The following OCIAD2 variants were observed in gnomAD, a reference collection of about 807,000 sequenced individuals.
OCIAD2 encodes OCIA domain-containing protein 2.
OCIAD2 carries 29 observed loss-of-function variants against 22.9 expected under a neutral mutation model. That is an observed-to-expected ratio of 1.27 (90% CI 0.94 to 1.73). OCIAD2 has a LOEUF of 1.73. OCIAD2 is among the 40% of genes most tolerant of loss of function. The pLI is 0.00. For synonymous variants in OCIAD2, 67 were observed against 60.2 expected (o/e 1.11, Z -0.52); for missense variants, 189 against 180.3 (o/e 1.05, Z -0.28).
rs1013298276 is a variant in OCIAD2, at chr4:48,885,511, C to G, written c.438G>C (p.Lys146Asn). Residue 146 changes from lysine (K) to asparagine (N), a missense_variant, in exon 7 of 7, where the codon AAG (lysine) becomes AAC (asparagine). Lys to Asn is a moderately conservative substitution (Grantham distance 94, BLOSUM62 0). Transcript: ENST00000508632. The stretch of plus-strand genomic sequence containing the variant: ...AGGAAGCTGAAGGCTGAGAGTCTCC[C>G]TTCTCACTTAATCCATGCTTTATTT... ...ECKIKHGLSE[K>N]GDSQPSAS 1 of 1,610,478 alleles carries G rather than the reference C, an allele frequency of 6.2e-7. No individual in the cohort carries two copies. Among genetic ancestry groups the G allele is most frequent in the Non-Finnish European group, 8.5e-7 (1 of 1,176,766 alleles).
chr4:48,893,011 G>A (rs1432005065), intron 5 of OCIAD2, 122 bp from the exon 6 acceptor site: 1 of 603,378 alleles, frequency 1.7e-6, no homozygotes, highest in Non-Finnish European at 3.0e-6. Flanking sequence ...AATGAATGAA[G>A]ACTCTGAGAA....
intron 3 of OCIAD2, among the ~76,000 whole-genome samples, chr4:48,899,225 A>G (rs1391964434): frequency 2.0e-5 from 3 of 152,218 alleles, no homozygotes; most frequent in Non-Finnish European, 2.9e-5. Flanking sequence ...TTCAAATGCT[A>G]TATCACACAT....
intron 6 of OCIAD2, among the ~76,000 whole-genome samples, chr4:48,890,956 A>C (rs1560457522): frequency 6.6e-6 from 1 of 152,200 alleles, no homozygotes; most frequent in African/African-American, 2.4e-5. Flanking sequence ...AGCATGGCAT[A>C]AATTCCTTCA....
chr4:48,894,075 CATT>C (rs752181452), intron 4 of OCIAD2, 22 bp from the exon 5 acceptor site: 34 of 1,243,954 alleles, frequency 2.7e-5, no homozygotes, highest in Non-Finnish European at 3.6e-5. Flanking sequence ...TAAAGAAAAA[CATT>C]ATTATTTCAT....
chr4:48,892,703 A>G (rs1414121248), intron 6 of OCIAD2, 69 bp downstream of exon 6: 2 of 778,302 alleles, frequency 2.6e-6, no homozygotes, highest in East Asian at 2.7e-5. Flanking sequence ...AATATTATAA[A>G]TAGTGAGTAA....
intron 6 of OCIAD2, among the ~76,000 whole-genome samples, chr4:48,889,212 A>T (rs1361183346): frequency 1.3e-5 from 2 of 152,132 alleles, no homozygotes; most frequent in Non-Finnish European, 2.9e-5. Flanking sequence ...TATTGCATCT[A>T]TTTGATTATT....
chr4:48,886,974 C>T (rs911668955), intron 6 of OCIAD2, among the ~76,000 whole-genome samples: 1 of 152,156 alleles, frequency 6.6e-6, no homozygotes, highest in African/African-American at 2.4e-5. Context: ...AAAAGTGTTC[C>T]TATTTCTCCA....
chr4:48,890,931 A>G (rs1219086086), intron 6 of OCIAD2, among the ~76,000 whole-genome samples: 1 of 152,226 alleles, frequency 6.6e-6, no homozygotes, highest in South Asian at 2.1e-4. Context: ...CTTTGAGAAT[A>G]AAGTGAAAAT....
intron 6 of OCIAD2, among the ~76,000 whole-genome samples, chr4:48,889,451 T>C (rs1262172303): frequency 2.0e-5 from 3 of 152,198 alleles, no homozygotes; most frequent in Admixed American, 6.5e-5. Flanking sequence ...GCAAAGGTTA[T>C]GAACAGACAC....
At chr4:48,889,125 T>C (rs533688514) in intron 6 of OCIAD2, among the ~76,000 whole-genome samples, 60 of 152,356 alleles carry the variant, frequency 3.9e-4, no homozygotes, top group Admixed American at 3.9e-3. Context: ...TTTATTTGCA[T>C]AGAGGTGTTT....
intron 2 of OCIAD2, among the ~76,000 whole-genome samples, chr4:48,900,204 C>T (rs1398942755): frequency 2.0e-5 from 3 of 152,124 alleles, no homozygotes; most frequent in Non-Finnish European, 1.5e-5. Flanking sequence ...AGGCTGAATC[C>T]CTGCTGAGGC....
In OCIAD2 at chr4:48,889,342, A is replaced by G. The variant is rs182205496; in HGVS notation, c.383+3430T>C. Among the ~76,000 whole-genome samples the G allele has an allele frequency of 1.6e-3, 240 of 151,688 alleles. 1 individual carries two copies. The highest frequency in any genetic ancestry group is 2.9e-3 in the Non-Finnish European group (194 of 67,840). ...GTTTTTTATGTCTCTATCTCCTGAAAATTTTTACAATCTACACATTTGACA... is the reference window on the plus strand; with the variant it reads ...GTTTTTTATGTCTCTATCTCCTGAAGATTTTTACAATCTACACATTTGACA... On this transcript the variant is annotated intron_variant, in intron 6 of 6. Transcript: ENST00000508632.
chr4:48,893,953 A>T (rs956296345), intron 5 of OCIAD2, 53 bp downstream of exon 5: 2 of 1,204,904 alleles, frequency 1.7e-6, no homozygotes, highest in Non-Finnish European at 1.1e-6. Flanking sequence ...AAGTGCTGGG[A>T]TTACAGATGT....
chr4:48,895,729 C>T (rs1781288070), intron 4 of OCIAD2, among the ~76,000 whole-genome samples: 1 of 152,130 alleles, frequency 6.6e-6, no homozygotes, highest in South Asian at 2.1e-4. Context: ...AAAACATAAT[C>T]CTGGCTGGGT....
intron 6 of OCIAD2, 142 bp from the exon 7 acceptor site, chr4:48,885,707 G>T: frequency 1.8e-6 from 1 of 559,034 alleles, no homozygotes; most frequent in South Asian, 2.9e-5. Flanking sequence ...GCCCAGGCTG[G>T]TCTCGAGGGC....
At position 48,894,181 on chromosome 4, in the gene OCIAD2, T is replaced by A. The variant is rs1326079839; in HGVS notation, c.218-128A>T. 9.7e-6 allele frequency: 4 copies of A among 414,304 alleles called. No individual in the cohort carries two copies. In the Admixed American group the frequency reaches 1.8e-4, roughly 19 times the overall value. 25.7% of individuals were successfully genotyped at this position (414,304 alleles called of 1,614,324 possible). On this transcript the variant is annotated intron_variant, in intron 4 of 6. Coordinates refer to ENST00000508632, the MANE Select transcript of OCIAD2 (RefSeq NM_001014446.3). Reference sequence around the variant, plus strand: ...TAAGACATAAAATTTCTTAAATGTATACATATTCTGACTTTAAAAAGATGA... The same window carrying A: ...TAAGACATAAAATTTCTTAAATGTAAACATATTCTGACTTTAAAAAGATGA...
chr4:48,891,788 T>C (rs778484665), intron 6 of OCIAD2, among the ~76,000 whole-genome samples: 1 of 152,214 alleles, frequency 6.6e-6, no homozygotes, highest in Non-Finnish European at 1.5e-5. Flanking sequence ...AAATATGGAA[T>C]TATAGATTCT....
intron 6 of OCIAD2, among the ~76,000 whole-genome samples, chr4:48,887,888 G>C (rs969917110): frequency 6.6e-6 from 1 of 152,150 alleles, no homozygotes; most frequent in Non-Finnish European, 1.5e-5. Context: ...GTCATTGGTA[G>C]CTTGATGGGG....
chr4:48,892,738 A>T (rs1325872858), intron 6 of OCIAD2, 34 bp downstream of exon 6: 3 of 996,156 alleles, frequency 3.0e-6, no homozygotes, highest in Non-Finnish European at 4.6e-6. Flanking sequence ...TCTTATAATT[A>T]CATTACAATC....
Sources: gnomAD v4.1 joint callset for allele counts (sites outside exome capture counted in the v4.1 genomes callset) on GRCh38, gnomAD v4.1.1 for gene constraint, MANE v1.5 for transcripts, NCBI Gene and HGNC (gene_info 2026-07-23, HGNC 2026-07-21) for gene names.